Variants in CLOCK observed in about 807,000 individuals in gnomAD.
The protein encoded by CLOCK is clock circadian regulator, also known as circadian locomoter output cycles protein kaput.
Under a neutral mutation model 118.4 loss-of-function variants are expected in CLOCK, and 43 were observed. The observed-to-expected ratio is 0.36, with a 90% CI of 0.28 to 0.47. The LOEUF is 0.47. Among genes scored for constraint, CLOCK ranks in the 20% least tolerant of loss-of-function variants. The pLI is 1.00. For missense variants in CLOCK, 846 were observed against 999.9 expected, an observed-to-expected ratio of 0.85 and a Z score of 2.08; for synonymous variants, 326 against 339.2, an observed-to-expected ratio of 0.96 and a Z score of 0.43.
rs1560416598 is a variant in CLOCK at position 55,443,870 on chromosome 4, C to T, written c.1719G>A (p.Gly573=). The part of the protein sequence containing the change: ...LQMFLQQSNP[G]LNFGSVQLSS... The stretch of plus-strand genomic sequence containing the variant: ...AAAGTTGAACGGAACCAAAATTCAA[C>T]CCAGGATTTGATTGTTGCAAAAACA... Residue 573 remains glycine, a synonymous_variant, in exon 20 of 23, where the codon GGG becomes GGA. Transcript: ENST00000513440. 1 of 1,612,882 alleles carries T rather than the reference C, an allele frequency of 6.2e-7. No individual in the cohort carries two copies. The highest frequency in any genetic ancestry group is 8.5e-7 in the Non-Finnish European group (1 of 1,179,884).
At chr4:55,518,938 TTCC>T (rs1729684935) in intron 1 of CLOCK, among the ~76,000 whole-genome samples, 1 of 152,196 alleles carries the variant, frequency 6.6e-6, no homozygotes, top group African/African-American at 2.4e-5. Context: ...TCAATACATT[TTCC>T]TCAAGCTAAC....
chr4:55,542,915 A>G (rs1448197605), intron 1 of CLOCK, among the ~76,000 whole-genome samples: 7 of 152,166 alleles, frequency 4.6e-5, no homozygotes, highest in Admixed American at 3.9e-4. Context: ...CTTGGACTCT[A>G]AAGAGTCCTA....
intron 3 of CLOCK, among the ~76,000 whole-genome samples, chr4:55,484,714 C>T (rs1235617166): frequency 6.6e-6 from 1 of 151,936 alleles, no homozygotes; most frequent in Non-Finnish European, 1.5e-5. Context: ...GTAAGTATGG[C>T]TTAATTATCA....
intron 1 of CLOCK, among the ~76,000 whole-genome samples, chr4:55,514,468 T>C: frequency 6.6e-6 from 1 of 151,834 alleles, no homozygotes; most frequent in Non-Finnish European, 1.5e-5. Flanking sequence ...GTTGTGCAAC[T>C]ATCACTACAA....
At chr4:55,482,895 G>A in intron 3 of CLOCK, 67 bp from the exon 4 acceptor site, 1 of 728,186 alleles carries the variant, frequency 1.4e-6, no homozygotes, top group Non-Finnish European at 2.3e-6. Flanking sequence ...AACTTATCTT[G>A]AGAAATACTA....
chr4:55,516,109 T>G lies in CLOCK; in HGVS notation c.-289-6044A>C, dbSNP rs62309725. 7.1e-3 allele frequency among the ~76,000 whole-genome samples: 1,075 copies of G among 152,318 alleles called. 7 individuals are homozygous for G. The highest frequency in any genetic ancestry group is 0.011 in the Non-Finnish European group (740 of 68,028). ...CTTTTAAATTTGTTAAGGTGTTTTA[T>G]GGCCCAAAATGTTGTCTCTTGTGGT... is the stretch of plus-strand genomic sequence containing the variant. On this transcript the variant is annotated intron_variant, in intron 1 of 22. Coordinates refer to ENST00000513440, the MANE Select transcript of CLOCK (RefSeq NM_004898.4).
In CLOCK at chr4:55,546,782, C is replaced by T. The variant is rs981513564; in HGVS notation, c.-290G>A. On this transcript the variant is annotated splice_region_variant and 5_prime_UTR_variant, in exon 1 of 23. Transcript: ENST00000513440. ...GGCCCACCGGGCGGGCGCCTCTCACCGGGAGCGCTCGCGGCGGCGGCGGCC... is the reference window on the plus strand; with the variant it reads ...GGCCCACCGGGCGGGCGCCTCTCACTGGGAGCGCTCGCGGCGGCGGCGGCC... 1 of 152,288 alleles carries T rather than the reference C, an allele frequency of 6.6e-6. No homozygotes were observed. Among genetic ancestry groups the T allele is most frequent in the African/African-American group, 2.4e-5 (1 of 41,440 alleles). The allele number at this position is 152,288 out of a possible 1,614,324, so 9.4% of individuals were successfully genotyped here. A position where few individuals can be genotyped will look rare whatever the true frequency, so the allele number is the denominator to read the frequency against.
At chr4:55,531,249 A>T (rs998548108) in intron 1 of CLOCK, among the ~76,000 whole-genome samples, 13 of 152,170 alleles carry the variant, frequency 8.5e-5, no homozygotes, top group Non-Finnish European at 1.8e-4. Flanking sequence ...AAATAGCCCC[A>T]GCACTATAAT....
intron 15 of CLOCK, among the ~76,000 whole-genome samples, chr4:55,451,240 T>C (rs866810279): frequency 1.3e-5 from 2 of 152,174 alleles, no homozygotes; most frequent in African/African-American, 2.4e-5. Context: ...TGATCACCAA[T>C]GAATTAAATG....
In CLOCK at chr4:55,470,725, G is replaced by A; in HGVS notation, c.430C>T (p.His144Tyr). The change falls in exon 8 of 23, where the codon CAT (histidine) becomes TAT (tyrosine). Residue 144 changes from histidine (H) to tyrosine (Y), a missense_variant. By Grantham distance (83) the His-to-Tyr change is moderately conservative (BLOSUM62 2). Around this residue, in one of 4 missense-constraint regions of CLOCK, gnomAD observed 246 missense variants for 300.2 expected, o/e 0.82. Coordinates refer to ENST00000513440, the MANE Select transcript of CLOCK (RefSeq NM_004898.4). Reference sequence around the variant, plus strand: ...AGGATCTTTATACTTACTGGTAAATGTTCAAGTAATGAAGTTACACTCTCA... The same window carrying A: ...AGGATCTTTATACTTACTGGTAAATATTCAAGTAATGAAGTTACACTCTCA... Reference protein sequence around the residue: ...VSESVTSLLEHLPSDLVDQSI... With the variant: ...VSESVTSLLEYLPSDLVDQSI... 6.3e-7 allele frequency: 1 copy of A among 1,593,046 alleles called. No individual in the cohort carries two copies. Among genetic ancestry groups the A allele is most frequent in the South Asian group, 1.1e-5 (1 of 90,208 alleles).
At position 55,450,128 on chromosome 4, in the gene CLOCK, T is replaced by C. The variant is rs201298017; in HGVS notation, c.1311A>G (p.Ser437=). The change falls in exon 16 of 23, where the codon TCA becomes TCG. Residue 437 remains serine (S), a synonymous_variant. Coordinates refer to ENST00000513440, the MANE Select transcript of CLOCK (RefSeq NM_004898.4). The part of the protein sequence containing the change: ...SPTPSASSRS[S]RKSSHTAVSD... ...AGACGGCCGTGTGAGATGATTTTCT[T>C]GAACTCCGAGAAGAGGCAGAAGGGG... 43 of 1,614,126 alleles carry C rather than the reference T, an allele frequency of 2.7e-5. 1 individual carries two copies. The East Asian group carries it at 9.6e-4, about 36-fold the overall frequency.
At position 55,502,613 on chromosome 4, in the gene CLOCK, T is replaced by C. The variant is rs963571721; in HGVS notation, c.-136+7299A>G. ...AACATAGATAACATCTTCTTGGCTT[T>C]AGGGTAGGCAAAGATTTCTTAAATG... On this transcript the variant is annotated intron_variant, in intron 2 of 22. Coordinates refer to ENST00000513440, the MANE Select transcript of CLOCK (RefSeq NM_004898.4). Among the ~76,000 whole-genome samples, 40 of 152,274 alleles carry C rather than the reference T, an allele frequency of 2.6e-4. 1 individual carries two copies. The Middle Eastern group carries it at 0.01, about 39-fold the overall frequency.
rs1723661156 is a variant in CLOCK at position 55,444,786 on chromosome 4, C to T, written c.1540-1G>A. ...CTCCTAATTGAGCTGAAAACTGAAA[C>T]TGAAGTACCATGTACGGAAAAAGTG... On this transcript the variant is annotated splice_acceptor_variant, in intron 18 of 22. Coordinates refer to ENST00000513440, the MANE Select transcript of CLOCK (RefSeq NM_004898.4). LOFTEE classifies it high-confidence loss of function. 1 of 1,613,742 alleles carries T rather than the reference C, an allele frequency of 6.2e-7. No homozygotes were observed. Among genetic ancestry groups the T allele is most frequent in the Non-Finnish European group, 8.5e-7 (1 of 1,179,928 alleles).
At chr4:55,505,161 CAA>C (rs36120601) in intron 2 of CLOCK, among the ~76,000 whole-genome samples, 2 of 141,408 alleles carry the variant, frequency 1.4e-5, no homozygotes, top group African/African-American at 2.6e-5. Context: ...ACCCCCCCAC[CAA>C]AAAAAAAAAA....
chr4:55,460,711 G>A (rs1005384107), intron 9 of CLOCK, among the ~76,000 whole-genome samples: 9 of 151,954 alleles, frequency 5.9e-5, no homozygotes, highest in Admixed American at 1.3e-4. Context: ...TATTATTTCC[G>A]CACTCAAGGA....
At chr4:55,514,784 A>G (rs943658432) in intron 1 of CLOCK, among the ~76,000 whole-genome samples, 8 of 152,096 alleles carry the variant, frequency 5.3e-5, no homozygotes, top group Admixed American at 5.2e-4. Flanking sequence ...TGATTTGCTA[A>G]TATTTTGTTG....
At chr4:55,459,120 A>T in intron 10 of CLOCK, 28 bp downstream of exon 10, 1 of 1,483,066 alleles carries the variant, frequency 6.7e-7, no homozygotes, top group Non-Finnish European at 9.4e-7. Flanking sequence ...AAGTTAAAAC[A>T]CATTGTGAGA....
rs570547437 is a variant in CLOCK, at chr4:55,540,512, T to C, written c.-290+6270A>G. 1.5e-4 allele frequency: 23 copies of C among 152,284 alleles called. No individual in the cohort carries two copies. In the East Asian group the frequency reaches 1.7e-3, roughly 11 times the overall value. The allele number at this position is 152,284 out of a possible 1,614,324, so 9.4% of individuals were successfully genotyped here. A position where few individuals can be genotyped will look rare whatever the true frequency, so the allele number is the denominator to read the frequency against. On this transcript the variant is annotated intron_variant, in intron 1 of 22. Transcript: ENST00000513440. Reference sequence around the variant, plus strand: ...CTAACCTTTATTGGTATATCCCCCATGTGTGCTTTTTAATTTTTTTTTGAT... The same window carrying C: ...CTAACCTTTATTGGTATATCCCCCACGTGTGCTTTTTAATTTTTTTTTGAT...
At chr4:55,517,354 C>CA (rs1553901898) in intron 1 of CLOCK, among the ~76,000 whole-genome samples, 1 of 151,944 alleles carries the variant, frequency 6.6e-6, no homozygotes, top group Non-Finnish European at 1.5e-5. Context: ...ACTAAAAATA[C>CA]AAAAAATTAG....
Sources: gnomAD v4.1 joint callset for allele counts (sites outside exome capture counted in the v4.1 genomes callset) on GRCh38, gnomAD v4.1.1 for gene constraint, gnomAD v4.1.1 regional missense constraint, MANE v1.5 for transcripts, NCBI Gene and HGNC (gene_info 2026-07-23, HGNC 2026-07-21) for gene names.